The following C6 variants were observed in gnomAD, a reference collection of about 807,000 sequenced individuals.
The protein encoded by C6 is complement C6.
C6 carries 101 observed loss-of-function variants against 112.9 expected under a neutral mutation model. The ratio of observed to expected loss-of-function variants is 0.89; its 90% CI spans 0.76 to 1.06. The LOEUF (loss-of-function observed/expected upper bound fraction) is 1.06, where lower values mean the gene tolerates loss of function less well. Among genes scored for constraint, C6 ranks in the 50% least tolerant of loss-of-function variants. The pLI, the probability that C6 is intolerant of heterozygous loss-of-function variation, is 0.00. For synonymous variants in C6, 431 were observed against 384.1 expected (o/e 1.12, Z -1.43); for missense variants, 1,202 against 1,104.6 (o/e 1.09, Z -1.25).
chr5:41,238,985 T>A (rs1740514252), intron 1 of C6, among the ~76,000 whole-genome samples: 1 of 152,152 alleles, frequency 6.6e-6, no homozygotes, highest in Non-Finnish European at 1.5e-5. Flanking sequence ...TGTTGATACA[T>A]AATGTTTGTA....
intron 5 of C6, among the ~76,000 whole-genome samples, chr5:41,194,015 C>A (rs545248863): frequency 6.6e-6 from 1 of 152,084 alleles, no homozygotes; most frequent in Non-Finnish European, 1.5e-5. Context: ...AGGGCCACGT[C>A]GTCCTTCAGC....
In C6 at chr5:41,158,721, C is replaced by T. The variant is rs1413817953; in HGVS notation, c.1921G>A (p.Asp641Asn). 6.2e-7 allele frequency: 1 copy of T among 1,611,882 alleles called. No individual in the cohort carries two copies. Among genetic ancestry groups the T allele is most frequent in the South Asian group, 1.1e-5 (1 of 91,044 alleles). ...KEVDLPEIEA[D>N]SGCPQPVPPE... ...GGAACTGGCTGAGGACACCCGGAAT[C>T]TGCTTCTATCTCAGGAAGATCGACC... Residue 641 changes from aspartate (D) to asparagine (N), a missense_variant, in exon 13 of 18, where the codon GAT becomes AAT. By Grantham distance (23) the Asp-to-Asn change is conservative. Coordinates refer to ENST00000337836, the MANE Select transcript of C6 (RefSeq NM_000065.5).
intron 1 of C6, among the ~76,000 whole-genome samples, chr5:41,255,712 G>T (rs900873467): frequency 6.6e-6 from 1 of 152,276 alleles, no homozygotes; most frequent in African/African-American, 2.4e-5. Flanking sequence ...CGTGCTATAG[G>T]TCTGTCAAAA....
At chr5:41,197,272 C>A (rs186819687) in intron 4 of C6, among the ~76,000 whole-genome samples, 2 of 152,016 alleles carry the variant, frequency 1.3e-5, no homozygotes, top group African/African-American at 4.8e-5. Flanking sequence ...ATTATAGCTA[C>A]GAGCACTATA....
chr5:41,256,639 T>G (rs954856663), intron 1 of C6, among the ~76,000 whole-genome samples: 1 of 152,162 alleles, frequency 6.6e-6, no homozygotes, highest in Non-Finnish European at 1.5e-5. Context: ...ATAAGTTCTC[T>G]GGCATAAAGC....
upstream of C6, among the ~76,000 whole-genome samples, chr5:41,217,835 G>T (rs1406552464): frequency 6.6e-6 from 1 of 152,008 alleles, no homozygotes; most frequent in Non-Finnish European, 1.5e-5. Context: ...AAAGCCTATT[G>T]AAGTCAGATG....
At chr5:41,230,317 A>G (rs139626205) in intron 1 of C6, among the ~76,000 whole-genome samples, 1,646 of 152,186 alleles carry the variant, frequency 0.011, 33 homozygotes, top group African/African-American at 0.037. Context: ...CAGACGTGCA[A>G]GTAGGAGAGA....
At chr5:41,229,124 G>A (rs1006565608) in intron 1 of C6, among the ~76,000 whole-genome samples, 1 of 152,146 alleles carries the variant, frequency 6.6e-6, no homozygotes, top group African/African-American at 2.4e-5. Flanking sequence ...AAAAGAAAAA[G>A]AAAATCAACT....
At chr5:41,209,886 C>T (rs1351193660) in intron 1 of C6, among the ~76,000 whole-genome samples, 3 of 151,996 alleles carry the variant, frequency 2.0e-5, no homozygotes, top group African/African-American at 7.2e-5. Context: ...CATATGGTAC[C>T]AAAAAAGAGC....
intron 15 of C6, 145 bp downstream of exon 15, chr5:41,153,665 A>C (rs1746619204): frequency 4.7e-6 from 3 of 641,840 alleles, no homozygotes; most frequent in Non-Finnish European, 8.4e-6. Context: ...GAGCTATTGC[A>C]TAGTTCCGGT....
intron 2 of C6, among the ~76,000 whole-genome samples, chr5:41,202,290 G>A (rs1751089578): frequency 6.6e-6 from 1 of 150,600 alleles, no homozygotes; most frequent in Non-Finnish European, 1.5e-5. Context: ...AGCTCTCCAG[G>A]GAGGAGCTTG....
At position 41,203,334 on chromosome 5, in the gene C6, GT is replaced by G. The variant is rs1285741029; in HGVS notation, c.-20-85del. 4 of 1,422,736 alleles carry G rather than the reference GT, an allele frequency of 2.8e-6. No homozygotes were observed. The African/African-American group carries it at 5.6e-5, about 20-fold the overall frequency. 88.1% of individuals were successfully genotyped at this position (1,422,736 alleles called of 1,614,324 possible). ...GTCATCCTGAGTCAGAGATTCAAAT[GT>G]GATTTTAGAAAATATTTGCATTTTT... On this transcript the variant is annotated intron_variant, in intron 1 of 17. Coordinates refer to ENST00000337836, the MANE Select transcript of C6 (RefSeq NM_000065.5).
chr5:41,200,044 T>G (rs1387932337), intron 3 of C6, 132 bp from the exon 4 acceptor site: 1 of 807,400 alleles, frequency 1.2e-6, no homozygotes, highest in Non-Finnish European at 2.1e-6. Context: ...TACTAATGAT[T>G]CTTCCAATTC....
chr5:41,208,186 T>G (rs374289721), intron 1 of C6, among the ~76,000 whole-genome samples: 1 of 151,984 alleles, frequency 6.6e-6, no homozygotes, highest in East Asian at 1.9e-4. Flanking sequence ...AACAAAGACA[T>G]AACATACCAG....
At chr5:41,217,039 T>A (rs11949807), upstream of C6, among the ~76,000 whole-genome samples, 76,983 of 151,896 alleles carry the variant, frequency 0.51, 20,431 homozygotes, top group Non-Finnish European at 0.6. Context: ...ATCCTCAAAA[T>A]GGCCTATGGT....
chr5:41,260,447 A>ACCC (rs368003732), intron 1 of C6, among the ~76,000 whole-genome samples: 29 of 132,624 alleles, frequency 2.2e-4, no homozygotes, highest in African/African-American at 8.3e-4. Context: ...CAAACAAATA[A>ACCC]ACCCCCCCCC....
chr5:41,244,264 C>A (rs59735840), intron 1 of C6, among the ~76,000 whole-genome samples: 1 of 152,074 alleles, frequency 6.6e-6, no homozygotes, highest in Non-Finnish European at 1.5e-5. Flanking sequence ...TTTGAGACAA[C>A]AATAACAGCA....
intron 1 of C6, among the ~76,000 whole-genome samples, chr5:41,218,687 G>A (rs1434409388): frequency 6.6e-6 from 1 of 152,112 alleles, no homozygotes; most frequent in African/African-American, 2.4e-5. Flanking sequence ...GCCAGGATTG[G>A]GTATGGGTCA....
intron 6 of C6, among the ~76,000 whole-genome samples, chr5:41,183,670 CA>C (rs1436000593): frequency 6.6e-6 from 1 of 152,150 alleles, no homozygotes; most frequent in African/African-American, 2.4e-5. Flanking sequence ...ACCAAAAAGA[CA>C]CATGCACTTG....
Sources: allele counts gnomAD v4.1 joint callset (sites outside exome capture counted in the v4.1 genomes callset), GRCh38; gene constraint gnomAD v4.1.1; transcripts MANE v1.5; gene names NCBI Gene and HGNC (gene_info 2026-07-23, HGNC 2026-07-21).